CDCA2: variants seen among roughly 807,000 people sequenced by gnomAD.
CDCA2 encodes cell division cycle-associated protein 2.
Under a neutral mutation model 67.0 loss-of-function variants are expected in CDCA2, and 44 were observed. The ratio of observed to expected loss-of-function variants is 0.66; its 90% CI spans 0.52 to 0.84. The LOEUF is 0.84. Ranked by LOEUF, CDCA2 falls within the 40% of genes least tolerant of loss-of-function variation. The probability of loss-of-function intolerance (pLI) is 0.00; values close to 1 mark genes in which losing one functional copy is unlikely to be tolerated. For synonymous variants in CDCA2, 447 were observed against 418.7 expected, an observed-to-expected ratio of 1.07 and a Z score of -0.82; for missense variants, 1,253 against 1,203.2, an observed-to-expected ratio of 1.04 and a Z score of -0.61.
intron 11 of CDCA2, among the ~76,000 whole-genome samples, chr8:25,486,739 G>A (rs768756170): frequency 2.3e-4 from 35 of 151,986 alleles, no homozygotes; most frequent in Non-Finnish European, 3.7e-4. Flanking sequence ...CACTTGAACC[G>A]GGGAGACGGA....
Position 25,460,249 on chromosome 8 carries a change from A to G in CDCA2, c.10A>G (p.Asn4Asp). 6.2e-7 allele frequency: 1 copy of G among 1,614,162 alleles called. No individual in the cohort carries two copies. The highest frequency in any genetic ancestry group is 8.5e-7 in the Non-Finnish European group (1 of 1,180,018). The change falls in exon 2 of 15, where the codon AAT becomes GAT. Residue 4 changes from asparagine to aspartate, a missense_variant. Transcript: ENST00000330560. Reference sequence around the variant, plus strand: ...TTTCTTCACCTCTTAGATGGATGCCAATTCAAAAGACAAGCCCCCTGAAAC... The same window carrying G: ...TTTCTTCACCTCTTAGATGGATGCCGATTCAAAAGACAAGCCCCCTGAAAC... MDA[N>D]SKDKPPETKE...
Position 25,484,275 on chromosome 8 carries a change from A to T in CDCA2, c.1365+65A>T. The T allele has an allele frequency of 2.5e-6, 4 of 1,569,100 alleles. No individual in the cohort carries two copies. The South Asian group carries it at 4.6e-5, about 18-fold the overall frequency. The stretch of plus-strand genomic sequence containing the variant: ...TTTCATCAGGCTTCACCTGCTTTGC[A>T]TGAGCAATAACTATGCTTTGAAATA... On this transcript the variant is annotated intron_variant, in intron 10 of 14. Coordinates refer to ENST00000330560, the MANE Select transcript of CDCA2 (RefSeq NM_152562.4).
rs758325080 is a variant in CDCA2, at chr8:25,480,149, A to G, written c.1032+25A>G. The G allele has an allele frequency of 2.5e-6, 4 of 1,574,154 alleles. No individual in the cohort carries two copies. The South Asian group carries it at 4.5e-5, about 18-fold the overall frequency. On this transcript the variant is annotated intron_variant, in intron 8 of 14. Coordinates refer to ENST00000330560, the MANE Select transcript of CDCA2 (RefSeq NM_152562.4). ...GGTAAGAAGAGAGTTAAATTTCCTA[A>G]AGCAAATGAATAAAAATGCATTTTG... is the stretch of plus-strand genomic sequence containing the variant.
At position 25,506,773 on chromosome 8, in the gene CDCA2, G is replaced by A. The variant is rs1804696959; in HGVS notation, c.2107G>A (p.Glu703Lys). Residue 703 changes from glutamate (E) to lysine (K), a missense_variant, in exon 15 of 15, where the codon GAA becomes AAA. Glu to Lys is a moderately conservative substitution (Grantham distance 56, BLOSUM62 1). Coordinates refer to ENST00000330560, the MANE Select transcript of CDCA2 (RefSeq NM_152562.4). Reference protein sequence around the residue: ...KAKNKSESENEPKAGTDSPVS... With the variant: ...KAKNKSESENKPKAGTDSPVS... ...AAAAAATAAGTCAGAAAGTGAAAAT[G>A]AACCAAAAGCTGGAACTGACAGTCC... is the stretch of plus-strand genomic sequence containing the variant. 4 of 1,613,704 alleles carry A rather than the reference G, an allele frequency of 2.5e-6. No homozygotes were observed. In the East Asian group the frequency reaches 8.9e-5, roughly 36 times the overall value.
chr8:25,507,314 G>A lies in CDCA2; in HGVS notation c.2648G>A (p.Arg883Lys), dbSNP rs375731195. The change falls in exon 15 of 15, where the codon AGG becomes AAG. Residue 883 changes from arginine to lysine, a missense_variant. Physicochemically the swap from Arg to Lys is conservative, Grantham distance 26. Coordinates refer to ENST00000330560, the MANE Select transcript of CDCA2 (RefSeq NM_152562.4). ...LSDAIEQTFQ[R>K]RNSETKVRRS... ...GATGCCATTGAGCAAACCTTTCAGA[G>A]GAGAAATAGTGAAACCAAAGTGCGA... The A allele has an allele frequency of 6.2e-6, 10 of 1,613,952 alleles. No individual in the cohort carries two copies. Among genetic ancestry groups the A allele is most frequent in the Non-Finnish European group, 7.6e-6 (9 of 1,180,026 alleles).
intron 12 of CDCA2, 93 bp from the exon 13 acceptor site, chr8:25,488,459 A>T (rs1238183798): frequency 1.7e-6 from 2 of 1,191,162 alleles, no homozygotes; most frequent in Non-Finnish European, 2.3e-6. Context: ...AAAGTGGTAG[A>T]AGCATCCTGG....
chr8:25,468,554 T>TGTGTGTGTGTGTGTGTGTGC, intron 6 of CDCA2, 141 bp downstream of exon 6: 1 of 495,502 alleles, frequency 2.0e-6, no homozygotes, highest in East Asian at 3.3e-5. Context: ...TGTGTGTGTG[T>TGTGTGTGTGTGTGTGTGTGC]GTGCGTGTGT....
Position 25,460,497 on chromosome 8 carries a change from A to G in CDCA2, c.175A>G (p.Thr59Ala). The change falls in exon 3 of 15, where the codon ACA becomes GCA. Residue 59 changes from threonine (T) to alanine (A), a missense_variant. By Grantham distance (58) the Thr-to-Ala change is moderately conservative (BLOSUM62 0). Coordinates refer to ENST00000330560, the MANE Select transcript of CDCA2 (RefSeq NM_152562.4). ...TTTTAAATCACCTTTGAACTTTTCC[A>G]CAGTAACCGTAGAGCAATTGGGAAT... ...DTFKSPLNFS[T>A]VTVEQLGITP... The G allele has an allele frequency of 1.9e-6, 3 of 1,614,194 alleles. No homozygotes were observed. Among genetic ancestry groups the G allele is most frequent in the South Asian group, 1.1e-5 (1 of 91,086 alleles).
At chr8:25,460,009 CTTTGA>C (rs974733718) in intron 1 of CDCA2, among the ~76,000 whole-genome samples, 2 of 152,088 alleles carry the variant, frequency 1.3e-5, no homozygotes, top group African/African-American at 4.8e-5. Flanking sequence ...ACCTCATTTA[CTTTGA>C]TTTGATTATT....
rs1563289735 is a variant in CDCA2 at position 25,507,608 on chromosome 8, C to T, written c.2942C>T (p.Ser981Phe). The T allele has an allele frequency of 6.2e-7, 1 of 1,614,204 alleles. No homozygotes were observed. Among genetic ancestry groups the T allele is most frequent in the African/African-American group, 1.3e-5 (1 of 75,040 alleles). The change falls in exon 15 of 15, where the codon TCT becomes TTT. Residue 981 changes from serine (S) to phenylalanine (F), a missense_variant. Coordinates refer to ENST00000330560, the MANE Select transcript of CDCA2 (RefSeq NM_152562.4). ...AAGAGGAGGAAGAGCTTTTGTATAT[C>T]TACACTTGCAAATACTAAAGCCACT... ...PGKRRKSFCI[S>F]TLANTKATSQ...
intron 13 of CDCA2, among the ~76,000 whole-genome samples, chr8:25,501,911 G>T (rs1176154980): frequency 2.0e-5 from 3 of 151,936 alleles, no homozygotes; most frequent in Admixed American, 6.6e-5. Context: ...GTTTTGTTTT[G>T]TTTTTTTGAG....
In CDCA2 at chr8:25,462,133, G is replaced by A; in HGVS notation, c.312G>A (p.Leu104=). 2 of 1,614,216 alleles carry A rather than the reference G, an allele frequency of 1.2e-6. No individual in the cohort carries two copies. Among genetic ancestry groups the A allele is most frequent in the South Asian group, 1.1e-5 (1 of 91,086 alleles). The change falls in exon 4 of 15, where the codon CTG becomes CTA. Residue 104 remains leucine (L), a synonymous_variant. Coordinates refer to ENST00000330560, the MANE Select transcript of CDCA2 (RefSeq NM_152562.4). ...GARGSPETNH[L]IRFIARQQNI... is the part of the protein sequence containing the mutation. ...GGGGCTCTCCTGAAACAAACCATCT[G>A]ATTCGTTTCATTGCTCGGCAGCAAA...
In CDCA2 at chr8:25,485,283, T is replaced by C. The variant is rs185619638; in HGVS notation, c.1366-476T>C. Among the ~76,000 whole-genome samples the C allele has an allele frequency of 4.0e-5, 6 of 151,778 alleles. No individual in the cohort carries two copies. The East Asian group carries it at 1.2e-3, about 29-fold the overall frequency. On this transcript the variant is annotated intron_variant, in intron 10 of 14. Coordinates refer to ENST00000330560, the MANE Select transcript of CDCA2 (RefSeq NM_152562.4). ...ATAAAACCTCTGAGCAAAATGGTAATAAAAGAATTTCTTCAAATTGACTAA... is the reference window on the plus strand; with the variant it reads ...ATAAAACCTCTGAGCAAAATGGTAACAAAAGAATTTCTTCAAATTGACTAA...
chr8:25,489,084 A>G (rs1264685953), intron 13 of CDCA2, among the ~76,000 whole-genome samples: 1 of 152,050 alleles, frequency 6.6e-6, no homozygotes, highest in Non-Finnish European at 1.5e-5. Context: ...TTTTCCCTAA[A>G]TTTAAGGGAA....
chr8:25,498,338 G>T (rs1804319013), intron 13 of CDCA2, among the ~76,000 whole-genome samples: 1 of 151,954 alleles, frequency 6.6e-6, no homozygotes, highest in Non-Finnish European at 1.5e-5. Flanking sequence ...CTCCCCAGTA[G>T]CTGGGACTAC....
At chr8:25,464,182 G>C (rs562903615) in intron 4 of CDCA2, among the ~76,000 whole-genome samples, 1 of 152,328 alleles carries the variant, frequency 6.6e-6, no homozygotes, top group East Asian at 1.9e-4. Flanking sequence ...GAGAAGCAAA[G>C]GAGGGAGGAT....
chr8:25,501,472 C>T (rs994825486), intron 13 of CDCA2, among the ~76,000 whole-genome samples: 1 of 152,224 alleles, frequency 6.6e-6, no homozygotes, highest in African/African-American at 2.4e-5. Context: ...GGCTCTGCTC[C>T]TGCCACTCCT....
chr8:25,463,378 G>A (rs1396642783), intron 4 of CDCA2, among the ~76,000 whole-genome samples: 1 of 152,098 alleles, frequency 6.6e-6, no homozygotes, highest in Non-Finnish European at 1.5e-5. Context: ...AATTTCTAAG[G>A]CCTGGTGATG....
At chr8:25,461,920 G>A in intron 3 of CDCA2, 134 bp from the exon 4 acceptor site, 1 of 774,616 alleles carries the variant, frequency 1.3e-6, no homozygotes. Context: ...GACTGTGCCA[G>A]TAACTCTCCA....
Sources: gnomAD v4.1 joint callset for allele counts (sites outside exome capture counted in the v4.1 genomes callset) on GRCh38, gnomAD v4.1.1 for gene constraint, MANE v1.5 for transcripts, NCBI Gene and HGNC (gene_info 2026-07-23, HGNC 2026-07-21) for gene names.